Variants in CYFIP1 observed in about 807,000 individuals in gnomAD.
CYFIP1 encodes cytoplasmic FMR1-interacting protein 1.
CYFIP1 carries 58 observed loss-of-function variants against 163.5 expected under a neutral mutation model. That is an observed-to-expected ratio of 0.35 (90% CI 0.29 to 0.44). The LOEUF (loss-of-function observed/expected upper bound fraction) is 0.44, where lower values mean the gene tolerates loss of function less well. Ranked by LOEUF, CYFIP1 falls within the 20% of genes least tolerant of loss-of-function variation. The pLI is 1.00. For missense variants in CYFIP1, 1,338 were observed against 1,653.8 expected, an observed-to-expected ratio of 0.81 and a Z score of 3.31; for synonymous variants, 663 against 660.7, an observed-to-expected ratio of 1.00 and a Z score of -0.05.
intron 21 of CYFIP1, 121 bp downstream of exon 21, chr15:22,909,073 T>C: frequency 7.9e-7 from 1 of 1,267,892 alleles, no homozygotes; most frequent in Non-Finnish European, 1.1e-6. Context: ...ATCTCTTTTA[T>C]TATCTATACA....
At chr15:22,876,942 C>CT (rs1226241678) in intron 26 of CYFIP1, among the ~76,000 whole-genome samples, 1 of 152,178 alleles carries the variant, frequency 6.6e-6, no homozygotes, top group African/African-American at 2.4e-5. Flanking sequence ...GACACTATCT[C>CT]TATCAATTCC....
intron 23 of CYFIP1, 105 bp from the exon 24 acceptor site, chr15:22,883,116 T>A: frequency 7.3e-7 from 1 of 1,370,478 alleles, no homozygotes; most frequent in Non-Finnish European, 1.0e-6. Flanking sequence ...GGTGAGCGGG[T>A]CTGAGTCTAC....
In CYFIP1 at chr15:22,869,719, A is replaced by G. The variant is rs1257398411; in HGVS notation, c.*309T>C. ...TGCATTTGCTGGTATTAAGTTTCTT[A>G]TGGAATGAATGAATGAACCCAGCAG... On this transcript the variant is annotated 3_prime_UTR_variant, in exon 31 of 31. Transcript: ENST00000617928. The G allele has an allele frequency of 4.5e-6, 1 of 223,642 alleles. No individual in the cohort carries two copies. The highest frequency in any genetic ancestry group is 8.6e-6 in the Non-Finnish European group (1 of 116,048). The allele number at this position is 223,642 out of a possible 1,614,324, so 13.9% of individuals were successfully genotyped here.
At chr15:22,895,872 A>T (rs1352001535) in intron 22 of CYFIP1, among the ~76,000 whole-genome samples, 1 of 152,218 alleles carries the variant, frequency 6.6e-6, no homozygotes, top group Non-Finnish European at 1.5e-5. Context: ...GTCCCACCTC[A>T]GAGCTCGGAG....
chr15:22,894,742 T>C (rs1566938147), intron 22 of CYFIP1, among the ~76,000 whole-genome samples: 1 of 150,368 alleles, frequency 6.7e-6, no homozygotes, highest in Non-Finnish European at 1.5e-5. Flanking sequence ...GCAATTACTC[T>C]TTATAATATT....
intron 1 of CYFIP1, among the ~76,000 whole-genome samples, chr15:22,965,504 G>A (rs138237225): frequency 3.1e-4 from 47 of 152,296 alleles, no homozygotes; most frequent in African/African-American, 8.9e-4. Context: ...CTGCACAGGC[G>A]TGTGGCCTGG....
intron 1 of CYFIP1, among the ~76,000 whole-genome samples, chr15:22,966,931 G>A (rs1196712862): frequency 1.3e-5 from 2 of 151,738 alleles, no homozygotes; most frequent in Non-Finnish European, 2.9e-5. Flanking sequence ...TTACGTTGAT[G>A]AACACACAGA....
Position 22,928,028 on chromosome 15 carries a change from C to T in CYFIP1, c.1111G>A (p.Val371Met). Residue 371 changes from valine to methionine, a missense_variant and splice_region_variant, in exon 12 of 31, where the codon GTG becomes ATG. Val to Met is a conservative substitution (Grantham distance 21, BLOSUM62 1). Around this residue, in one of 4 missense-constraint regions of CYFIP1, gnomAD observed 824 missense variants for 995.7 expected, o/e 0.83. Transcript: ENST00000617928. ...TCCTGGCGGCCCGAGCCCGTGACCA[C>T]CTGCACAAGGCGGGCACGGCCCCGT... is the stretch of plus-strand genomic sequence containing the variant. ...SELARYSNSE[V>M]VTGSGRQEAQ... 6.4e-7 allele frequency: 1 copy of T among 1,551,628 alleles called. No homozygotes were observed. The highest frequency in any genetic ancestry group is 8.7e-7 in the Non-Finnish European group (1 of 1,153,732).
In CYFIP1 at chr15:22,870,136, G is replaced by A. The variant is rs374828274; in HGVS notation, c.3654C>T (p.Ile1218=). The change falls in exon 31 of 31, where the codon ATC becomes ATT. Residue 1218 remains isoleucine, a synonymous_variant. Coordinates refer to ENST00000617928, the MANE Select transcript of CYFIP1 (RefSeq NM_014608.6). ...TCAGGTACTTATCCAGGATGGTGAT[G>A]ATCTCATCATTGAGAATCTGGAACT... ...IRKFQILNDE[I]ITILDKYLKS... 1.2e-5 allele frequency: 20 copies of A among 1,612,704 alleles called. No homozygotes were observed. The highest frequency in any genetic ancestry group is 1.7e-5 in the Admixed American group (1 of 59,786).
In CYFIP1 at chr15:22,869,066, A is replaced by C. The variant is rs1389869954; in HGVS notation, c.*962T>G. 6.6e-6 allele frequency: 1 copy of C among 152,202 alleles called. No homozygotes were observed. The highest frequency in any genetic ancestry group is 1.5e-5 in the Non-Finnish European group (1 of 68,052). The allele number at this position is 152,202 out of a possible 1,614,324, so 9.4% of individuals were successfully genotyped here. Reference sequence around the variant, plus strand: ...TTCATTCTGACAGATCATGTGAACCAGCTCCAGCCATGTGAGCCCTGTGGA... The same window carrying C: ...TTCATTCTGACAGATCATGTGAACCCGCTCCAGCCATGTGAGCCCTGTGGA... On this transcript the variant is annotated 3_prime_UTR_variant, in exon 31 of 31. Coordinates refer to ENST00000617928, the MANE Select transcript of CYFIP1 (RefSeq NM_014608.6).
chr15:22,920,020 TCAAAA>T (rs201883081), intron 13 of CYFIP1, among the ~76,000 whole-genome samples: 1 of 151,220 alleles, frequency 6.6e-6, no homozygotes, highest in African/African-American at 2.4e-5. Flanking sequence ...AGACCCTGTC[TCAAAA>T]CAAAACAAAA....
intron 26 of CYFIP1, among the ~76,000 whole-genome samples, chr15:22,878,891 C>A (rs1278297807): frequency 6.6e-6 from 1 of 152,160 alleles, no homozygotes; most frequent in Non-Finnish European, 1.5e-5. Context: ...AATCCCAGCA[C>A]TTTGGGAGAC....
At position 22,947,198 on chromosome 15, in the gene CYFIP1, C is replaced by A; in HGVS notation, c.88G>T (p.Glu30Ter). 1.9e-6 allele frequency: 3 copies of A among 1,614,002 alleles called. No homozygotes were observed. The highest frequency in any genetic ancestry group is 2.5e-6 in the Non-Finnish European group (3 of 1,179,968). Reference protein sequence around the residue: ...LPLPDQQPCIEPPPSSLLYQP... With the variant: ...LPLPDQQPCI The stretch of plus-strand genomic sequence containing the variant: ...TAGAGCAGCGAGGATGGCGGGGGCT[C>A]GATGCAGGGCTGCTGGTCGGGCAGG... Residue 30 changes from glutamate to a stop codon, truncating the protein, a stop_gained, in exon 2 of 31, where the codon GAG becomes TAG. Transcript: ENST00000617928. LOFTEE classifies it high-confidence loss of function.
chr15:22,904,248 C>G (rs1357036225), intron 21 of CYFIP1: 1 of 337,716 alleles, frequency 3.0e-6, no homozygotes, highest in African/African-American at 2.1e-5. Context: ...TATAACCCAG[C>G]CGGCGGCTGC....
intron 13 of CYFIP1, among the ~76,000 whole-genome samples, chr15:22,924,343 GA>G (rs1262575217): frequency 2.6e-5 from 4 of 152,180 alleles, no homozygotes; most frequent in Non-Finnish European, 5.9e-5. Context: ...AGAATTGCTT[GA>G]ACCCGGGAGG....
chr15:22,954,897 G>T (rs192760965), intron 1 of CYFIP1, among the ~76,000 whole-genome samples: 2 of 152,322 alleles, frequency 1.3e-5, no homozygotes, highest in African/African-American at 4.8e-5. Context: ...CAATCTCTGA[G>T]TGTCTCATGG....
Position 22,931,246 on chromosome 15 carries a change from G to A in CYFIP1, c.1110+977C>T, listed in dbSNP as rs146730402. ...AGCCTGCGTATATGCCCTAAAACCC[G>A]CAGTCCCTGCCAGCAATTTGCAGCA... On this transcript the variant is annotated intron_variant, in intron 11 of 30. Coordinates refer to ENST00000617928, the MANE Select transcript of CYFIP1 (RefSeq NM_014608.6). Among the ~76,000 whole-genome samples the A allele has an allele frequency of 6.6e-5, 10 of 152,258 alleles. No individual in the cohort carries two copies. In the East Asian group the frequency reaches 1.7e-3, roughly 26 times the overall value.
chr15:22,912,685 G>C (rs1333902040), intron 17 of CYFIP1, among the ~76,000 whole-genome samples: 1 of 152,234 alleles, frequency 6.6e-6, no homozygotes, highest in South Asian at 2.1e-4. Flanking sequence ...TTGTGGGGCT[G>C]AGGTGGGCAG....
At chr15:22,968,145 A>G (rs2140241906) in intron 1 of CYFIP1, among the ~76,000 whole-genome samples, 1 of 152,272 alleles carries the variant, frequency 6.6e-6, no homozygotes, top group Non-Finnish European at 1.5e-5. Context: ...CAAAAAATAA[A>G]TAAATAAATA....
Sources: gnomAD v4.1 joint callset for allele counts (sites outside exome capture counted in the v4.1 genomes callset) on GRCh38, gnomAD v4.1.1 for gene constraint, gnomAD v4.1.1 regional missense constraint, MANE v1.5 for transcripts, NCBI Gene and HGNC (gene_info 2026-07-23, HGNC 2026-07-21) for gene names.